Variants in FGD4 observed in about 807,000 individuals in gnomAD.
FGD4 encodes FYVE, RhoGEF and PH domain-containing protein 4.
A neutral mutation model predicts 102.0 loss-of-function variants in FGD4; 42 were observed. The observed-to-expected ratio is 0.41, with a 90% CI of 0.32 to 0.53. The LOEUF is 0.53. Ranked by LOEUF, FGD4 falls within the 20% of genes least tolerant of loss-of-function variation. FGD4 has a pLI of 0.21. For missense variants in FGD4, 902 were observed against 1,078.2 expected (o/e 0.84, Z 2.29); for synonymous variants, 380 against 375.7 (o/e 1.01, Z -0.13).
chr12:32,527,477 T>G (rs1477822089), intron 1 of FGD4, among the ~76,000 whole-genome samples: 1 of 152,144 alleles, frequency 6.6e-6, no homozygotes, highest in South Asian at 2.1e-4. Flanking sequence ...TTGTCCAGGC[T>G]GGAGCGCAGT....
intron 1 of FGD4, among the ~76,000 whole-genome samples, chr12:32,541,207 A>G (rs1334324303): frequency 6.6e-6 from 1 of 152,200 alleles, no homozygotes; most frequent in Non-Finnish European, 1.5e-5. Flanking sequence ...CATGACTGAA[A>G]CAATCCCCTA....
At chr12:32,494,927 G>A (rs971366748) in intron 1 of FGD4, among the ~76,000 whole-genome samples, 1 of 152,208 alleles carries the variant, frequency 6.6e-6, no homozygotes, top group African/African-American at 2.4e-5. Flanking sequence ...AGCAAGAAAG[G>A]AATGAGCATA....
chr12:32,441,372 C>T (rs1227069757), intron 1 of FGD4, among the ~76,000 whole-genome samples: 5 of 152,006 alleles, frequency 3.3e-5, no homozygotes, highest in Admixed American at 6.6e-5. Flanking sequence ...TGAATGCTGC[C>T]AGGACTGGGT....
intron 1 of FGD4, among the ~76,000 whole-genome samples, chr12:32,422,785 T>C (rs796628383): frequency 6.6e-6 from 1 of 152,334 alleles, no homozygotes; most frequent in African/African-American, 2.4e-5. Flanking sequence ...TATATCTTGC[T>C]ACTTCCTTAG....
intron 2 of FGD4, among the ~76,000 whole-genome samples, chr12:32,565,256 A>G (rs919924353): frequency 5.9e-5 from 9 of 152,188 alleles, no homozygotes; most frequent in Non-Finnish European, 8.8e-5. Context: ...TGAATCTTCT[A>G]GATTATGGGA....
At chr12:32,400,649 C>T (rs147363942) in intron 1 of FGD4, among the ~76,000 whole-genome samples, 71 of 152,294 alleles carry the variant, frequency 4.7e-4, no homozygotes, top group African/African-American at 1.7e-3. Flanking sequence ...AATGTGTTCT[C>T]TTCTCCCCAG....
intron 1 of FGD4, among the ~76,000 whole-genome samples, chr12:32,400,166 T>A (rs185494733): frequency 2.8e-4 from 42 of 152,360 alleles, no homozygotes; most frequent in African/African-American, 9.6e-4. Context: ...GGAACCCGCC[T>A]ACCGCCGAGC....
At chr12:32,492,821 G>C (rs904918) in intron 1 of FGD4, among the ~76,000 whole-genome samples, 79,239 of 151,870 alleles carry the variant, frequency 0.52, 21,153 homozygotes, top group South Asian at 0.65. Flanking sequence ...CTAGTTCATA[G>C]AGTTTTTTAA....
chr12:32,498,358 C>T (rs1030965609), intron 1 of FGD4, among the ~76,000 whole-genome samples: 2 of 151,712 alleles, frequency 1.3e-5, no homozygotes. Flanking sequence ...TTTGCAAAGT[C>T]GAGGGTTTGG....
chr12:32,473,066 C>G (rs1278181834), intron 1 of FGD4, among the ~76,000 whole-genome samples: 1 of 151,402 alleles, frequency 6.6e-6, no homozygotes, highest in Non-Finnish European at 1.5e-5. Flanking sequence ...CCTGTGTGTC[C>G]AAACTCTGTA....
At chr12:32,411,406 C>G (rs943815187) in intron 1 of FGD4, among the ~76,000 whole-genome samples, 1 of 151,706 alleles carries the variant, frequency 6.6e-6, no homozygotes. Flanking sequence ...TGGTGGCACA[C>G]GCCTGTAATC....
rs111959164 is a variant in FGD4, at chr12:32,490,126, A to C, written c.167-74011A>C. On this transcript the variant is annotated intron_variant, in intron 1 of 16. Transcript: ENST00000534526. ...TATGATTCATCTGGAAATGATCTGCATGTATGATGAGAAGTAGGAGTGAAG... is the reference window on the plus strand; with the variant it reads ...TATGATTCATCTGGAAATGATCTGCCTGTATGATGAGAAGTAGGAGTGAAG... Among the ~76,000 whole-genome samples, 6 of 152,272 alleles carry C rather than the reference A, an allele frequency of 3.9e-5. 1 individual carries two copies. The highest frequency in any genetic ancestry group is 1.2e-4 in the African/African-American group (5 of 41,564).
intron 1 of FGD4, among the ~76,000 whole-genome samples, chr12:32,420,213 G>T (rs530075566): frequency 2.0e-5 from 3 of 152,082 alleles, no homozygotes; most frequent in Non-Finnish European, 4.4e-5. Flanking sequence ...GCCGTATTTT[G>T]GGGTATTGTT....
intron 1 of FGD4, among the ~76,000 whole-genome samples, chr12:32,502,840 G>T (rs941458624): frequency 2.6e-5 from 4 of 152,198 alleles, no homozygotes; most frequent in African/African-American, 9.7e-5. Context: ...TTTGGCACAA[G>T]TTTCAAGGGC....
At chr12:32,443,300 C>T (rs570971408) in intron 1 of FGD4, among the ~76,000 whole-genome samples, 1 of 152,252 alleles carries the variant, frequency 6.6e-6, no homozygotes, top group South Asian at 2.1e-4. Context: ...TTACTTCAGC[C>T]CAGGAGTTTG....
chr12:32,592,339 T>C (rs1466641168), intron 4 of FGD4, among the ~76,000 whole-genome samples: 1 of 151,946 alleles, frequency 6.6e-6, no homozygotes, highest in East Asian at 1.9e-4. Flanking sequence ...AGTAAGATTC[T>C]TTTAAAATCC....
Position 32,505,646 on chromosome 12 carries a change from T to C in FGD4, c.167-58491T>C, listed in dbSNP as rs916818460. Among the ~76,000 whole-genome samples, 8 of 152,334 alleles carry C rather than the reference T, an allele frequency of 5.3e-5. No individual in the cohort carries two copies. In the East Asian group the frequency reaches 5.8e-4, roughly 11 times the overall value. ...GTTGCTTGCACTTTAACCCCAGAAA[T>C]AGCTTGATGGAGTTACATGAGGGCG... On this transcript the variant is annotated intron_variant, in intron 1 of 16. Coordinates refer to ENST00000534526, the MANE Select transcript of FGD4 (RefSeq NM_001370298.3).
intron 1 of FGD4, among the ~76,000 whole-genome samples, chr12:32,492,334 G>GA (rs35759511): frequency 0.33 from 50,279 of 152,012 alleles, 8,379 homozygotes; most frequent in East Asian, 0.45. Context: ...GCATGATTGA[G>GA]AAATATGAAG....
chr12:32,611,897 G>A lies in FGD4; in HGVS notation c.1749+614G>A, dbSNP rs542085627. On this transcript the variant is annotated intron_variant, in intron 10 of 16. Transcript: ENST00000534526. ...GACTCAGGCATTCCTGTGCTCTCAG[G>A]GGCCCGGGAAGCCCCCTGTACCCCT... Among the ~76,000 whole-genome samples the A allele has an allele frequency of 3.5e-4, 53 of 152,316 alleles. No homozygotes were observed. The Middle Eastern group carries it at 0.01, about 29-fold the overall frequency.
Sources: gnomAD v4.1 joint callset for allele counts (sites outside exome capture counted in the v4.1 genomes callset) on GRCh38, gnomAD v4.1.1 for gene constraint, MANE v1.5 for transcripts, NCBI Gene and HGNC (gene_info 2026-07-23, HGNC 2026-07-21) for gene names.